PCDHA9: variants seen among roughly 807,000 people sequenced by gnomAD.
PCDHA9 encodes the protein protocadherin alpha-9.
In PCDHA9, 62 loss-of-function variants were observed where a neutral mutation model predicts 62.0. The ratio of observed to expected loss-of-function variants is 1.00; its 90% CI spans 0.81 to 1.23. The LOEUF (loss-of-function observed/expected upper bound fraction) is 1.23, where lower values mean the gene tolerates loss of function less well. Ranked by LOEUF, PCDHA9 falls within the 50% of genes most tolerant of loss-of-function variation. The pLI, the probability that PCDHA9 is intolerant of heterozygous loss-of-function variation, is 0.00. For missense variants in PCDHA9, 1,205 were observed against 1,249.8 expected (o/e 0.96, Z 0.54); for synonymous variants, 557 against 567.6 (o/e 0.98, Z 0.27).
At chr5:140,881,244 C>T (rs1219638908) in intron 1 of PCDHA9, 9 of 397,012 alleles carry the variant, frequency 2.3e-5, no homozygotes, top group Non-Finnish European at 3.1e-5. Context: ...ATTTAAATGA[C>T]GGCAAGGTTT....
At chr5:140,923,638 C>G (rs1375136191) in intron 1 of PCDHA9, among the ~76,000 whole-genome samples, 1 of 152,176 alleles carries the variant, frequency 6.6e-6, no homozygotes, top group African/African-American at 2.4e-5. Flanking sequence ...AGGCAAAAAT[C>G]TTTAGCCTCC....
At chr5:140,941,950 A>C (rs2093203816) in intron 1 of PCDHA9, among the ~76,000 whole-genome samples, 1 of 152,172 alleles carries the variant, frequency 6.6e-6, no homozygotes, top group Admixed American at 6.5e-5. Context: ...TTTGTTTTGA[A>C]AACAATAGTA....
chr5:140,983,076 T>A (rs1390525890), intron 3 of PCDHA9, among the ~76,000 whole-genome samples: 1 of 152,168 alleles, frequency 6.6e-6, no homozygotes, highest in Non-Finnish European at 1.5e-5. Context: ...TTGTTTTGAG[T>A]TCAAGTCAAA....
chr5:140,890,724 CT>C (rs2062771629), intron 1 of PCDHA9, among the ~76,000 whole-genome samples: 2 of 152,108 alleles, frequency 1.3e-5, no homozygotes, highest in African/African-American at 2.4e-5. Context: ...TTTTTAATCC[CT>C]TTTGACTTAT....
At chr5:140,927,481 G>C in intron 1 of PCDHA9, 2 of 1,614,072 alleles carry the variant, frequency 1.2e-6, no homozygotes, top group Non-Finnish European at 1.7e-6. Context: ...CGAACAGCGC[G>C]CCACCCACCT....
At chr5:140,968,969 A>C in intron 1 of PCDHA9, 2 of 1,614,230 alleles carry the variant, frequency 1.2e-6, no homozygotes. Flanking sequence ...CTACCGCTAC[A>C]CTGCGTATGG....
chr5:140,852,980 G>C (rs782092693), intron 1 of PCDHA9: 1 of 347,518 alleles, frequency 2.9e-6, no homozygotes, highest in Non-Finnish European at 4.2e-6. Flanking sequence ...CCGTGTTCAC[G>C]CCATTCTCCT....
intron 1 of PCDHA9, chr5:140,865,192 A>C (rs1306002523): frequency 3.9e-5 from 6 of 152,218 alleles, no homozygotes; most frequent in Non-Finnish European, 8.8e-5. Flanking sequence ...CCTTCACACC[A>C]TATTAATGTG....
intron 1 of PCDHA9, chr5:140,967,843 T>G (rs782701780): frequency 6.2e-7 from 1 of 1,614,102 alleles, no homozygotes; most frequent in East Asian, 2.2e-5. Flanking sequence ...TGGACGTGAA[T>G]GACAATGCCC....
intron 1 of PCDHA9, among the ~76,000 whole-genome samples, chr5:140,913,296 T>A (rs538964015): frequency 2.1e-4 from 32 of 152,322 alleles, no homozygotes; most frequent in African/African-American, 7.0e-4. Flanking sequence ...TTTAATTTCT[T>A]CATAGATCAA....
rs71583613 is a variant in PCDHA9 at position 141,001,265 on chromosome 5, T to G, written c.2543-8362T>G. 5.1e-4 allele frequency among the ~76,000 whole-genome samples: 78 copies of G among 152,286 alleles called. No individual in the cohort carries two copies. In the Middle Eastern group the frequency reaches 0.01, roughly 20 times the overall value. On this transcript the variant is annotated intron_variant, in intron 3 of 3. Transcript: ENST00000532602. ...CAACCCTATGGGGCGGGCACTCTTATGAACTTTTTTTACGGATGAAAACTG... is the reference window on the plus strand; with the variant it reads ...CAACCCTATGGGGCGGGCACTCTTAGGAACTTTTTTTACGGATGAAAACTG...
intron 1 of PCDHA9, among the ~76,000 whole-genome samples, chr5:140,951,752 G>A (rs246039): frequency 0.51 from 77,303 of 151,800 alleles, 20,616 homozygotes; most frequent in African/African-American, 0.68. Context: ...CTCACCCTCC[G>A]CGAAATCTCA....
Position 140,855,940 on chromosome 5 carries a change from T to G in PCDHA9, c.2394+5051T>G, listed in dbSNP as rs781849353. 20 of 1,323,248 alleles carry G rather than the reference T, an allele frequency of 1.5e-5. 4 individuals carry two copies. The highest frequency in any genetic ancestry group is 2.9e-5 in the South Asian group (2 of 68,766). The allele number at this position is 1,323,248 out of a possible 1,614,324, so 82.0% of individuals were successfully genotyped here. A position where few individuals can be genotyped will look rare whatever the true frequency, so the allele number is the denominator to read the frequency against. Reference sequence around the variant, plus strand: ...TAGGAAGTAGCGTCATTCTGAGATCTCAGCCATTTCGATAAAAAATAGATA... The same window carrying G: ...TAGGAAGTAGCGTCATTCTGAGATCGCAGCCATTTCGATAAAAAATAGATA... On this transcript the variant is annotated intron_variant, in intron 1 of 3. Transcript: ENST00000532602.
intron 1 of PCDHA9, chr5:140,870,518 A>G: frequency 6.2e-7 from 1 of 1,614,230 alleles, no homozygotes; most frequent in Admixed American, 1.7e-5. Context: ...CCAGGCTGCC[A>G]CATCTTCACA....
At chr5:140,858,775 A>C (rs2045585315) in intron 1 of PCDHA9, 2 of 422,450 alleles carry the variant, frequency 4.7e-6, no homozygotes, top group Non-Finnish European at 8.6e-6. Context: ...TGAGATTAGT[A>C]CTTCATGTTA....
intron 1 of PCDHA9, among the ~76,000 whole-genome samples, chr5:140,964,886 T>C (rs529789945): frequency 6.6e-6 from 1 of 152,306 alleles, no homozygotes; most frequent in South Asian, 2.1e-4. Context: ...GCAGCAGTGA[T>C]AGGAGGCTGG....
rs1563652468 is a variant in PCDHA9, at chr5:141,000,419, A to ATT, written c.2543-9207_2543-9206insTT. ...TCTATATATATATATATATATATAT[A>ATT]TATTTTTTTTTTTTTTTTTTTTTTT... On this transcript the variant is annotated intron_variant, in intron 3 of 3. Transcript: ENST00000532602. 2.1e-3 allele frequency among the ~76,000 whole-genome samples: 126 copies of ATT among 60,978 alleles called. 1 individual carries two copies. The highest frequency in any genetic ancestry group is 3.3e-3 in the African/African-American group (43 of 13,160). The allele number at this position is 60,978 out of a possible 152,430, so 40.0% of individuals were successfully genotyped here. A position where few individuals can be genotyped will look rare whatever the true frequency, so the allele number is the denominator to read the frequency against.
Position 140,852,971 on chromosome 5 carries a change from C to T in PCDHA9, c.2394+2082C>T, listed in dbSNP as rs563659563. Reference sequence around the variant, plus strand: ...TTGGCTCACTCCAAGCTCCCCCTCCCGTGTTCACGCCATTCTCCTGCCTCA... The same window carrying T: ...TTGGCTCACTCCAAGCTCCCCCTCCTGTGTTCACGCCATTCTCCTGCCTCA... On this transcript the variant is annotated intron_variant, in intron 1 of 3. Coordinates refer to ENST00000532602, the MANE Select transcript of PCDHA9 (RefSeq NM_031857.2). 23 of 376,480 alleles carry T rather than the reference C, an allele frequency of 6.1e-5. 1 individual carries two copies. The highest frequency in any genetic ancestry group is 5.5e-4 in the South Asian group (5 of 9,156). 23.3% of individuals were successfully genotyped at this position (376,480 alleles called of 1,614,324 possible).
At chr5:140,951,723 A>G (rs1364455679) in intron 1 of PCDHA9, among the ~76,000 whole-genome samples, 3 of 152,104 alleles carry the variant, frequency 2.0e-5, no homozygotes, top group Non-Finnish European at 4.4e-5. Flanking sequence ...GATCCAAACC[A>G]TGTCATTCTG....
Sources: allele counts gnomAD v4.1 joint callset (sites outside exome capture counted in the v4.1 genomes callset), GRCh38; gene constraint gnomAD v4.1.1; transcripts MANE v1.5; gene names NCBI Gene and HGNC (gene_info 2026-07-23, HGNC 2026-07-21).